Variants in CTNNA2 observed in about 807,000 individuals in gnomAD.
The protein encoded by CTNNA2 is catenin alpha-2.
In CTNNA2, 42 loss-of-function variants were observed where a neutral mutation model predicts 101.0. The observed-to-expected ratio is 0.42, with a 90% CI of 0.32 to 0.54. The LOEUF is 0.54. CTNNA2 is among the 20% of genes least tolerant of loss of function. The pLI is 0.14. For synonymous variants in CTNNA2, 450 were observed against 456.4 expected, an observed-to-expected ratio of 0.99 and a Z score of 0.18; for missense variants, 871 against 1,223.1, an observed-to-expected ratio of 0.71 and a Z score of 4.29.
At chr2:80,546,133 C>A in intron 11 of CTNNA2, 70 bp downstream of exon 11, 1 of 1,558,104 alleles carries the variant, frequency 6.4e-7, no homozygotes, top group Non-Finnish European at 8.7e-7. Context: ...AGGAATGTCT[C>A]GCAAATGTCA....
chr2:80,642,797 T>C (rs1415446469), intron 18 of CTNNA2, among the ~76,000 whole-genome samples: 2 of 152,144 alleles, frequency 1.3e-5, no homozygotes, highest in Admixed American at 6.6e-5. Flanking sequence ...TTTGGTGATA[T>C]AAGGAATTAG....
intron 2 of CTNNA2, among the ~76,000 whole-genome samples, chr2:79,206,923 C>T (rs1370229171): frequency 6.6e-6 from 1 of 152,176 alleles, no homozygotes; most frequent in Non-Finnish European, 1.5e-5. Context: ...TGATCAGTTA[C>T]TGTGTAAGCT....
chr2:79,631,360 T>C (rs911742234), intron 1 of CTNNA2, among the ~76,000 whole-genome samples: 10 of 152,136 alleles, frequency 6.6e-5, no homozygotes, highest in Non-Finnish European at 1.5e-4. Flanking sequence ...TCATTTCGTA[T>C]GTGAGGATCA....
chr2:79,500,234 C>T (rs1671304444), intron 4 of CTNNA2, among the ~76,000 whole-genome samples: 1 of 152,142 alleles, frequency 6.6e-6, no homozygotes, highest in South Asian at 2.1e-4. Context: ...GTCTTCTATA[C>T]CTTTATCATA....
Position 80,647,949 on chromosome 2 carries a change from A to G in CTNNA2, c.*77A>G. On this transcript the variant is annotated 3_prime_UTR_variant, in exon 19 of 19. Coordinates refer to ENST00000402739, the MANE Select transcript of CTNNA2 (RefSeq NM_001282597.3). ...TCTTTTTAATTCCATTTTTGTATGC[A>G]TACCTGCCAGCTCGTATGCCTCTGG... The G allele has an allele frequency of 7.2e-7, 1 of 1,397,898 alleles. No individual in the cohort carries two copies. The highest frequency in any genetic ancestry group is 9.7e-7 in the Non-Finnish European group (1 of 1,034,314). 86.6% of individuals were successfully genotyped at this position (1,397,898 alleles called of 1,614,324 possible).
chr2:79,765,684 A>G (rs1382734152), intron 3 of CTNNA2, among the ~76,000 whole-genome samples: 1 of 152,184 alleles, frequency 6.6e-6, no homozygotes, highest in East Asian at 1.9e-4. Context: ...TTTCTCCCCC[A>G]CAGGAATATG....
intron 2 of CTNNA2, among the ~76,000 whole-genome samples, chr2:79,676,345 G>C (rs115945029): frequency 0.029 from 4,344 of 152,202 alleles, 199 homozygotes; most frequent in African/African-American, 0.099. Flanking sequence ...GCTGACTTCT[G>C]GGAGCAGCAG....
Position 80,171,245 on chromosome 2 carries a change from T to A in CTNNA2, c.1057-221966T>A, listed in dbSNP as rs76111458. On this transcript the variant is annotated intron_variant, in intron 7 of 18. Transcript: ENST00000402739. Reference sequence around the variant, plus strand: ...CGATCGTGCTTGATGGAAAAGCATGTCCTTAAGGCTCATGCAATGGCCGGA... The same window carrying A: ...CGATCGTGCTTGATGGAAAAGCATGACCTTAAGGCTCATGCAATGGCCGGA... Among the ~76,000 whole-genome samples, 1,282 of 152,322 alleles carry A rather than the reference T, an allele frequency of 8.4e-3. 23 individuals carry two copies. The highest frequency in any genetic ancestry group is 0.029 in the African/African-American group (1,225 of 41,582).
At chr2:79,445,759 C>T (rs189807748) in intron 4 of CTNNA2, among the ~76,000 whole-genome samples, 17 of 152,198 alleles carry the variant, frequency 1.1e-4, no homozygotes, top group African/African-American at 3.4e-4. Flanking sequence ...TTCACAACTC[C>T]TGTGTGCACA....
intron 9 of CTNNA2, among the ~76,000 whole-genome samples, chr2:80,518,204 G>T (rs1475426923): frequency 6.6e-6 from 1 of 152,192 alleles, no homozygotes; most frequent in African/African-American, 2.4e-5. Context: ...AGTAAATGAT[G>T]AAATATTATT....
At chr2:79,985,568 A>G (rs116114211) in intron 7 of CTNNA2, among the ~76,000 whole-genome samples, 5,452 of 152,306 alleles carry the variant, frequency 0.036, 163 homozygotes, top group Non-Finnish European at 0.053. Flanking sequence ...CATCCTGCCT[A>G]TAAACTAAAC....
chr2:79,881,166 G>A (rs1375735312), intron 6 of CTNNA2, among the ~76,000 whole-genome samples: 1 of 152,166 alleles, frequency 6.6e-6, no homozygotes, highest in African/African-American at 2.4e-5. Context: ...TGATTGCACT[G>A]TGGTCTGAGA....
At chr2:79,722,990 A>C (rs911872211) in intron 2 of CTNNA2, among the ~76,000 whole-genome samples, 1 of 152,258 alleles carries the variant, frequency 6.6e-6, no homozygotes, top group Non-Finnish European at 1.5e-5. Context: ...ATTTCATATA[A>C]AGCAAAATGA....
chr2:79,390,608 C>T lies in CTNNA2; in HGVS notation c.-135+16595C>T, dbSNP rs566388444. ...ACTTTAGTAACACTTCAACATTGTT[C>T]AGTGGCGTCAGAGTAAGTTCCCATT... On this transcript the variant is annotated intron_variant, in intron 4 of 21. Coordinates refer to the CTNNA2 transcript ENST00000466387. Among the ~76,000 whole-genome samples, 135 of 152,264 alleles carry T rather than the reference C, an allele frequency of 8.9e-4. 1 individual carries two copies. Among genetic ancestry groups the T allele is most frequent in the African/African-American group, 3.2e-3 (132 of 41,552 alleles).
chr2:79,783,129 T>G (rs1407214489), intron 3 of CTNNA2, among the ~76,000 whole-genome samples: 1 of 152,190 alleles, frequency 6.6e-6, no homozygotes, highest in African/African-American at 2.4e-5. Flanking sequence ...CCTCTGTGCA[T>G]GCTGATGGAG....
chr2:80,553,307 G>A (rs1692751654), intron 11 of CTNNA2, among the ~76,000 whole-genome samples: 1 of 152,010 alleles, frequency 6.6e-6, no homozygotes, highest in Non-Finnish European at 1.5e-5. Flanking sequence ...TTATTAACCT[G>A]ACTATGTAAC....
chr2:79,618,741 A>G (rs1678803864), intron 1 of CTNNA2, among the ~76,000 whole-genome samples: 2 of 152,256 alleles, frequency 1.3e-5, no homozygotes, highest in Non-Finnish European at 2.9e-5. Flanking sequence ...TCTGAAATCC[A>G]AAAACTCTAA....
At chr2:80,471,089 T>C (rs1394202545) in intron 9 of CTNNA2, among the ~76,000 whole-genome samples, 1 of 152,146 alleles carries the variant, frequency 6.6e-6, no homozygotes, top group Non-Finnish European at 1.5e-5. Flanking sequence ...AGGGGGTTGG[T>C]ATATTATCCT....
chr2:80,265,068 G>A (rs1672903277), intron 7 of CTNNA2, among the ~76,000 whole-genome samples: 3 of 151,440 alleles, frequency 2.0e-5, no homozygotes, highest in South Asian at 4.2e-4. Flanking sequence ...TCCGCCTCCT[G>A]GGTTCAAGCA....
Sources: allele counts gnomAD v4.1 joint callset (sites outside exome capture counted in the v4.1 genomes callset), GRCh38; gene constraint gnomAD v4.1.1; transcripts MANE v1.5; gene names NCBI Gene and HGNC (gene_info 2026-07-23, HGNC 2026-07-21).